The following SLA variants were observed in gnomAD, a reference collection of about 807,000 sequenced individuals.
SLA encodes the protein src-like-adapter.
Under a neutral mutation model 30.3 loss-of-function variants are expected in SLA, and 16 were observed. That is an observed-to-expected ratio of 0.53 (90% confidence interval 0.36 to 0.80). SLA has a LOEUF of 0.80. Among genes scored for constraint, SLA ranks in the 30% least tolerant of loss-of-function variants. The pLI, the probability that SLA is intolerant of heterozygous loss-of-function variation, is 0.01. For missense variants in SLA, 310 were observed against 345.2 expected (o/e 0.90, Z 0.81); for synonymous variants, 143 against 137.8 (o/e 1.04, Z -0.26).
chr8:133,074,343 T>C (rs904494201), intron 2 of SLA, among the ~76,000 whole-genome samples: 5 of 152,174 alleles, frequency 3.3e-5, no homozygotes, highest in Non-Finnish European at 5.9e-5. Context: ...CCTTTAGACA[T>C]CATGACTCCA....
chr8:133,095,082 T>C, intron 1 of SLA: 2 of 1,614,138 alleles, frequency 1.2e-6, no homozygotes, highest in Non-Finnish European at 1.7e-6. Flanking sequence ...TCATCAGCCA[T>C]GAGAGGGCTC....
intron 2 of SLA, among the ~76,000 whole-genome samples, chr8:133,068,726 C>T (rs527375320): frequency 1.3e-5 from 2 of 152,336 alleles, no homozygotes; most frequent in East Asian, 1.9e-4. Context: ...GTCTGGCATA[C>T]GGAGGCGGGC....
rs1554706051 is a variant in SLA at position 133,039,953 on chromosome 8, G to GCACGCA, written c.617+44_617+45insTGCGTG. 26 of 1,434,318 alleles carry GCACGCA rather than the reference G, an allele frequency of 1.8e-5. No homozygotes were observed. The African/African-American group carries it at 2.5e-4, about 14-fold the overall frequency. The allele number at this position is 1,434,318 out of a possible 1,614,324, so 88.8% of individuals were successfully genotyped here. A position where few individuals can be genotyped will look rare whatever the true frequency, so the allele number is the denominator to read the frequency against. Reference sequence around the variant, plus strand: ...TCACATGTTCACAGAGCACTTGCATGCACACACACACACACACACACACAC... The same window carrying GCACGCA: ...TCACATGTTCACAGAGCACTTGCATGCACGCACACACACACACACACACACACACAC... On this transcript the variant is annotated intron_variant, in intron 8 of 8. Transcript: ENST00000338087.
chr8:133,038,947 T>G (rs922117745), intron 8 of SLA, among the ~76,000 whole-genome samples: 4 of 152,154 alleles, frequency 2.6e-5, no homozygotes, highest in Non-Finnish European at 4.4e-5. Context: ...GTGCAATCTC[T>G]GCTCACTGCA....
chr8:133,068,226 G>A (rs1843395022), intron 2 of SLA, among the ~76,000 whole-genome samples: 1 of 152,212 alleles, frequency 6.6e-6, no homozygotes, highest in Non-Finnish European at 1.5e-5. Context: ...AGCACTCCAT[G>A]CCCTGCAGGA....
intron 2 of SLA, among the ~76,000 whole-genome samples, chr8:133,062,647 G>A (rs954207375): frequency 4.6e-5 from 7 of 152,100 alleles, no homozygotes; most frequent in African/African-American, 1.4e-4. Flanking sequence ...CGGGAAGCAT[G>A]CGTGTGACAT....
intron 7 of SLA, among the ~76,000 whole-genome samples, chr8:133,041,805 T>C (rs994551671): frequency 7.2e-6 from 1 of 139,452 alleles, no homozygotes; most frequent in African/African-American, 2.6e-5. Flanking sequence ...TTTTTTTTTT[T>C]TTAGACGGAG....
At chr8:133,064,884 G>A (rs529361048) in intron 2 of SLA, among the ~76,000 whole-genome samples, 1 of 152,270 alleles carries the variant, frequency 6.6e-6, no homozygotes, top group African/African-American at 2.4e-5. Flanking sequence ...AAGGAGGGTA[G>A]CCCGAACCCC....
chr8:133,094,282 C>G lies in SLA; in HGVS notation c.-319+8271G>C, dbSNP rs921263486. On this transcript the variant is annotated intron_variant, in intron 1 of 8. Coordinates refer to ENST00000338087, the MANE Select transcript of SLA (RefSeq NM_001045556.3). ...TTTTGATGGAGTCTTGCTCTGTTTC[C>G]CAGGCTGGAGTGCAGAGGTGCGATC... 2.1e-5 allele frequency among the ~76,000 whole-genome samples: 3 copies of G among 142,760 alleles called. No individual in the cohort carries two copies. The South Asian group carries it at 6.8e-4, about 32-fold the overall frequency. The allele number at this position is 142,760 out of a possible 152,430, so 93.7% of individuals were successfully genotyped here. A position where few individuals can be genotyped will look rare whatever the true frequency, so the allele number is the denominator to read the frequency against.
chr8:133,097,502 G>C (rs1379041448), intron 1 of SLA, among the ~76,000 whole-genome samples: 1 of 152,184 alleles, frequency 6.6e-6, no homozygotes, highest in East Asian at 1.9e-4. Context: ...GAATGAGCTA[G>C]ATTTATCTCT....
chr8:133,045,635 T>A (rs1839224431), intron 6 of SLA, among the ~76,000 whole-genome samples: 1 of 152,114 alleles, frequency 6.6e-6, no homozygotes, highest in Non-Finnish European at 1.5e-5. Flanking sequence ...ACTCAAGTGA[T>A]CCGCCCACCT....
rs1474404634 is a variant in SLA, at chr8:133,102,416, C to A, written c.-319+137G>T. 7 of 713,402 alleles carry A rather than the reference C, an allele frequency of 9.8e-6. No homozygotes were observed. In the Admixed American group the frequency reaches 1.8e-4, roughly 18 times the overall value. The allele number at this position is 713,402 out of a possible 1,614,324, so 44.2% of individuals were successfully genotyped here. A position where few individuals can be genotyped will look rare whatever the true frequency, so the allele number is the denominator to read the frequency against. On this transcript the variant is annotated intron_variant, in intron 1 of 8. Coordinates refer to ENST00000338087, the MANE Select transcript of SLA (RefSeq NM_001045556.3). ...GCTACTCACCACCAGCAGAGACCCA[C>A]CCATTTTCTTCAGACCAAAGACGGA...
At chr8:133,077,636 C>G (rs912931378) in intron 1 of SLA, among the ~76,000 whole-genome samples, 2 of 152,200 alleles carry the variant, frequency 1.3e-5, no homozygotes, top group African/African-American at 4.8e-5. Context: ...CCACGCTAGA[C>G]AGGTGACTCA....
intron 1 of SLA, among the ~76,000 whole-genome samples, chr8:133,097,144 C>A (rs1305448398): frequency 7.9e-5 from 12 of 152,224 alleles, no homozygotes; most frequent in Admixed American, 7.9e-4. Context: ...CCTTCCCCTG[C>A]ACATGCATGA....
At position 133,037,156 on chromosome 8, in the gene SLA, C is replaced by T. The variant is rs1021159456; in HGVS notation, c.*1368G>A. 2 of 152,144 alleles carry T rather than the reference C, an allele frequency of 1.3e-5. No individual in the cohort carries two copies. The highest frequency in any genetic ancestry group is 2.4e-5 in the African/African-American group (1 of 41,424). The allele number at this position is 152,144 out of a possible 1,614,324, so 9.4% of individuals were successfully genotyped here. Reference sequence around the variant, plus strand: ...GGGAGAGATACTGCAAGCATGTTCCCCTCCTTCCCCAGGATCCCTTTGAAA... The same window carrying T: ...GGGAGAGATACTGCAAGCATGTTCCTCTCCTTCCCCAGGATCCCTTTGAAA... On this transcript the variant is annotated 3_prime_UTR_variant, in exon 9 of 9. Coordinates refer to ENST00000338087, the MANE Select transcript of SLA (RefSeq NM_001045556.3).
intron 7 of SLA, among the ~76,000 whole-genome samples, chr8:133,040,969 C>T (rs1383901988): frequency 6.6e-6 from 1 of 152,214 alleles, no homozygotes; most frequent in Admixed American, 6.5e-5. Flanking sequence ...CTCAGGATCC[C>T]CCATCTTTCC....
intron 1 of SLA, chr8:133,089,855 C>G (rs1300103496): frequency 6.6e-6 from 1 of 152,238 alleles, no homozygotes; most frequent in Non-Finnish European, 1.5e-5. Context: ...CCCTGTTCCT[C>G]CCATTTATTT....
At chr8:133,052,185 A>G (rs962354278) in intron 3 of SLA, among the ~76,000 whole-genome samples, 1 of 152,236 alleles carries the variant, frequency 6.6e-6, no homozygotes, top group African/African-American at 2.4e-5. Flanking sequence ...CCTCTTGGGC[A>G]GACTAAGTCT....
intron 7 of SLA, 83 bp downstream of exon 7, chr8:133,044,901 G>C (rs1839015944): frequency 1.4e-6 from 2 of 1,404,130 alleles, no homozygotes; most frequent in Middle Eastern, 1.8e-4. Flanking sequence ...AGACCCCTCT[G>C]CATTCCAGAC....
Sources: gnomAD v4.1 joint callset for allele counts (sites outside exome capture counted in the v4.1 genomes callset) on GRCh38, gnomAD v4.1.1 for gene constraint, MANE v1.5 for transcripts, NCBI Gene and HGNC (gene_info 2026-07-23, HGNC 2026-07-21) for gene names.